Variants in PSMD8 observed in about 807,000 individuals in gnomAD.
PSMD8 encodes 26S proteasome non-ATPase regulatory subunit 8.
A neutral mutation model predicts 40.0 loss-of-function variants in PSMD8; 30 were observed. The ratio of observed to expected loss-of-function variants is 0.75; its 90% confidence interval spans 0.56 to 1.02. PSMD8 has a LOEUF of 1.02. Ranked by LOEUF, PSMD8 falls within the 50% of genes least tolerant of loss-of-function variation. The pLI is 0.00. For synonymous variants in PSMD8, 208 were observed against 192.5 expected (o/e 1.08, Z -0.67); for missense variants, 461 against 463.9 (o/e 0.99, Z 0.06).
intron 2 of PSMD8, 44 bp downstream of exon 2, chr19:38,376,276 A>T (rs1303258167): frequency 6.5e-7 from 1 of 1,545,854 alleles, no homozygotes; most frequent in African/African-American, 1.4e-5. Flanking sequence ...TCTGGGGGTC[A>T]TGGCAGGAAT....
chr19:38,376,498 A>C (rs2302228), intron 3 of PSMD8, 44 bp downstream of exon 3: 51,828 of 1,469,612 alleles, frequency 0.035, 1,036 homozygotes, highest in African/African-American at 0.07. Flanking sequence ...GGTTGCATGG[A>C]AGCTCCTTTA....
At position 38,379,375 on chromosome 19, in the gene PSMD8, C is replaced by A. The variant is rs1186921705; in HGVS notation, c.672C>A (p.Val224=). The A allele has an allele frequency of 1.9e-6, 3 of 1,613,988 alleles. No homozygotes were observed. In the South Asian group the frequency reaches 3.3e-5, roughly 18 times the overall value. ...CTGCCAAGGACATACAGACCAATGT[C>A]TACATCAAGCACCCAGTGTCCCTGG... ...RLPAKDIQTN[V]YIKHPVSLEQ... The change falls in exon 4 of 7, where the codon GTC becomes GTA. Residue 224 remains valine (V), a synonymous_variant. Transcript: ENST00000215071.
At chr19:38,378,108 T>G (rs1481359525) in intron 3 of PSMD8, among the ~76,000 whole-genome samples, 2 of 152,180 alleles carry the variant, frequency 1.3e-5, no homozygotes, top group Non-Finnish European at 2.9e-5. Context: ...ATGCCTGAAA[T>G]CCCAGCACTT....
intron 6 of PSMD8, chr19:38,382,921 A>C: frequency 3.8e-6 from 1 of 262,724 alleles, no homozygotes; most frequent in African/African-American, 2.2e-5. Flanking sequence ...GGGGAAAAAA[A>C]AAAAAAAAAG....
At chr19:38,378,543 G>A (rs1970615309) in intron 3 of PSMD8, among the ~76,000 whole-genome samples, 1 of 151,484 alleles carries the variant, frequency 6.6e-6, no homozygotes, top group African/African-American at 2.4e-5. Context: ...GGGCATGGTG[G>A]TGTGCACTTG....
chr19:38,382,917 A>G, intron 6 of PSMD8: 1 of 221,640 alleles, frequency 4.5e-6, no homozygotes. Flanking sequence ...GTCTGGGGAA[A>G]AAAAAAAAAA....
In PSMD8 at chr19:38,379,253, G is replaced by C. The variant is rs1235077127; in HGVS notation, c.550G>C (p.Glu184Gln). 2 of 1,613,610 alleles carry C rather than the reference G, an allele frequency of 1.2e-6. No individual in the cohort carries two copies. The highest frequency in any genetic ancestry group is 2.2e-5 in the South Asian group (2 of 91,052). The change falls in exon 4 of 7, where the codon GAG becomes CAG. Residue 184 changes from glutamate (E) to glutamine (Q), a missense_variant. Physicochemically the swap from Glu to Gln is conservative, Grantham distance 29 (BLOSUM62 2). Transcript: ENST00000215071. ...CCACGTCCACAGGGAGCAGCTCCCC[G>C]AGTCAGCCTATATGCACCAGCTCTT... Reference protein sequence around the residue: ...YYFDYKEQLPESAYMHQLLGL... With the variant: ...YYFDYKEQLPQSAYMHQLLGL...
At chr19:38,380,820 T>G (rs1600498486) in intron 4 of PSMD8, 79 bp from the exon 5 acceptor site, 1 of 1,095,470 alleles carries the variant, frequency 9.1e-7, no homozygotes. Flanking sequence ...GCACTAGGAG[T>G]GTGATGAGGC....
At chr19:38,376,968 A>G (rs761415477) in intron 3 of PSMD8, among the ~76,000 whole-genome samples, 1 of 152,232 alleles carries the variant, frequency 6.6e-6, no homozygotes, top group African/African-American at 2.4e-5. Flanking sequence ...AGTTACTGCT[A>G]TGTCCCTAGC....
chr19:38,379,536 C>A, intron 4 of PSMD8, 131 bp downstream of exon 4: 2 of 997,420 alleles, frequency 2.0e-6, no homozygotes, highest in Non-Finnish European at 2.9e-6. Flanking sequence ...TCTTGTTTGT[C>A]CAACAAATAC....
chr19:38,374,819 C>A lies in PSMD8; in HGVS notation c.218C>A (p.Ala73Glu), dbSNP rs758410754. The A allele has an allele frequency of 1.3e-6, 2 of 1,574,288 alleles. No homozygotes were observed. The highest frequency in any genetic ancestry group is 1.7e-6 in the Non-Finnish European group (2 of 1,167,158). ...KMAAAAVNGA[A>E]GFSSSGPAAT... ...GCGGCCGCGGCGGTGAACGGGGCGG[C>A]AGGCTTCTCGAGCTCCGGGCCCGCG... Residue 73 changes from alanine (A) to glutamate (E), a missense_variant, in exon 1 of 7, where the codon GCA (alanine) becomes GAA (glutamate). By Grantham distance (107) the Ala-to-Glu change is moderately radical (BLOSUM62 -1). This residue lies in a region of PSMD8 where 225 missense variants were observed against 142.7 expected (regional missense o/e 1.58). Coordinates refer to ENST00000215071, the MANE Select transcript of PSMD8 (RefSeq NM_002812.5).
chr19:38,378,928 G>A (rs1970618550), intron 3 of PSMD8, among the ~76,000 whole-genome samples: 1 of 152,182 alleles, frequency 6.6e-6, no homozygotes, highest in Non-Finnish European at 1.5e-5. Context: ...ACTCCAGCCT[G>A]GGCAACAGAG....
At chr19:38,381,213 A>T (rs965513154) in intron 5 of PSMD8, 4 of 497,310 alleles carry the variant, frequency 8.0e-6, no homozygotes, top group African/African-American at 7.8e-5. Context: ...GGCTGTTGAC[A>T]TGTGTGGCCA....
Position 38,383,417 on chromosome 19 carries a change from G to A in PSMD8, c.*27G>A. ...CCCCCCGGGCACTGGGTGGGGCAGG[G>A]CACGAGTTATTTAAAACAGTTACAC... On this transcript the variant is annotated 3_prime_UTR_variant, in exon 7 of 7. Coordinates refer to ENST00000215071, the MANE Select transcript of PSMD8 (RefSeq NM_002812.5). The A allele has an allele frequency of 6.2e-7, 1 of 1,613,696 alleles. No homozygotes were observed. The highest frequency in any genetic ancestry group is 8.5e-7 in the Non-Finnish European group (1 of 1,179,698).
intron 4 of PSMD8, among the ~76,000 whole-genome samples, chr19:38,379,921 A>T (rs984829497): frequency 6.6e-6 from 1 of 152,192 alleles, no homozygotes; most frequent in African/African-American, 2.4e-5. Flanking sequence ...TGATCACACC[A>T]CTGTATTCTA....
chr19:38,376,130 T>C, intron 1 of PSMD8, 30 bp from the exon 2 acceptor site: 8 of 1,553,012 alleles, frequency 5.2e-6, no homozygotes, highest in Admixed American at 1.7e-5. Flanking sequence ...TCCCTTCTTT[T>C]CTTTCTTCCC....
chr19:38,378,083 C>T lies in PSMD8; in HGVS notation c.537-1157C>T, dbSNP rs905639073. ...CTCTACGAAATGGATACTGTGAGGC[C>T]GGGCATGATGGCACATGCCTGAAAT... On this transcript the variant is annotated intron_variant, in intron 3 of 6. Transcript: ENST00000215071. Among the ~76,000 whole-genome samples the T allele has an allele frequency of 5.3e-5, 8 of 152,328 alleles. No individual in the cohort carries two copies. In the East Asian group the frequency reaches 7.7e-4, roughly 15 times the overall value.
rs775895233 is a variant in PSMD8 at position 38,374,804 on chromosome 19, C to T, written c.203C>T (p.Ala68Val). The change falls in exon 1 of 7, where the codon GCG (alanine) becomes GTG (valine). Residue 68 changes from alanine to valine, a missense_variant. This residue lies in a region of PSMD8 where 225 missense variants were observed against 142.7 expected (regional missense o/e 1.58). Coordinates refer to ENST00000215071, the MANE Select transcript of PSMD8 (RefSeq NM_002812.5). Reference protein sequence around the residue: ...LAASRKMAAAAVNGAAGFSSS... With the variant: ...LAASRKMAAAVVNGAAGFSSS... ...GCATCACGCAAGATGGCGGCCGCGG[C>T]GGTGAACGGGGCGGCAGGCTTCTCG... 8 of 1,572,816 alleles carry T rather than the reference C, an allele frequency of 5.1e-6. No homozygotes were observed. The highest frequency in any genetic ancestry group is 2.3e-5 in the East Asian group (1 of 43,226).
intron 1 of PSMD8, chr19:38,375,324 G>C (rs749852248): frequency 2.3e-5 from 6 of 263,424 alleles, no homozygotes; most frequent in African/African-American, 4.7e-5. Flanking sequence ...CCCACGCGGG[G>C]GTGGTGGGGG....
Sources: gnomAD v4.1 joint callset for allele counts (sites outside exome capture counted in the v4.1 genomes callset) on GRCh38, gnomAD v4.1.1 for gene constraint, gnomAD v4.1.1 regional missense constraint, MANE v1.5 for transcripts, NCBI Gene and HGNC (gene_info 2026-07-23, HGNC 2026-07-21) for gene names.